The following STXBP5L variants were observed in gnomAD, a reference collection of about 807,000 sequenced individuals.
The protein encoded by STXBP5L is syntaxin-binding protein 5-like.
In STXBP5L, 65 loss-of-function variants were observed where a neutral mutation model predicts 144.5. The observed-to-expected ratio is 0.45, with a 90% CI of 0.37 to 0.55. The LOEUF is 0.55. Among genes scored for constraint, STXBP5L ranks in the 20% least tolerant of loss-of-function variants. STXBP5L has a pLI of 0.00. For synonymous variants in STXBP5L, 505 were observed against 469.6 expected (o/e 1.08, Z -0.97); for missense variants, 1,298 against 1,405.5 (o/e 0.92, Z 1.22).
chr3:120,992,103 T>C (rs1942949668), intron 3 of STXBP5L, among the ~76,000 whole-genome samples: 1 of 152,180 alleles, frequency 6.6e-6, no homozygotes, highest in Non-Finnish European at 1.5e-5. Context: ...TTTGGATCAC[T>C]AAAGAAAATC....
At chr3:121,052,890 C>T (rs1413697227) in intron 5 of STXBP5L, among the ~76,000 whole-genome samples, 2 of 152,168 alleles carry the variant, frequency 1.3e-5, no homozygotes, top group Non-Finnish European at 2.9e-5. Context: ...TAAGCAACTT[C>T]AGCAAAGTCT....
At chr3:121,349,585 G>T (rs931056690) in intron 20 of STXBP5L, among the ~76,000 whole-genome samples, 1 of 151,964 alleles carries the variant, frequency 6.6e-6, no homozygotes, top group Admixed American at 6.6e-5. Context: ...TTATTGTGTG[G>T]GAGTCTAAGT....
chr3:120,995,943 A>G (rs1330944893), intron 3 of STXBP5L, among the ~76,000 whole-genome samples: 1 of 152,056 alleles, frequency 6.6e-6, no homozygotes, highest in Non-Finnish European at 1.5e-5. Context: ...GGTAGGTTTT[A>G]CAGAATCAAA....
intron 19 of STXBP5L, among the ~76,000 whole-genome samples, chr3:121,287,630 A>G (rs2051276995): frequency 6.6e-6 from 1 of 152,142 alleles, no homozygotes; most frequent in South Asian, 2.1e-4. Context: ...GGGGTTCGAG[A>G]CCAGCCTGAC....
intron 24 of STXBP5L, among the ~76,000 whole-genome samples, chr3:121,415,121 T>C (rs2047202374): frequency 6.6e-6 from 1 of 152,112 alleles, no homozygotes; most frequent in South Asian, 2.1e-4. Context: ...CAATATTAGG[T>C]CACAGATCTC....
intron 5 of STXBP5L, among the ~76,000 whole-genome samples, chr3:121,112,659 G>A (rs1161071121): frequency 6.6e-6 from 1 of 151,970 alleles, no homozygotes; most frequent in African/African-American, 2.4e-5. Flanking sequence ...ATTCGGTGAA[G>A]ATTGAATAAA....
chr3:120,958,797 T>C lies in STXBP5L; in HGVS notation c.287+3760T>C, dbSNP rs61797908. Among the ~76,000 whole-genome samples, 1,050 of 150,970 alleles carry C rather than the reference T, an allele frequency of 7.0e-3. 11 individuals carry two copies. The highest frequency in any genetic ancestry group is 0.023 in the African/African-American group (956 of 41,284). On this transcript the variant is annotated intron_variant, in intron 3 of 26. Coordinates refer to ENST00000471454, the MANE Select transcript of STXBP5L (RefSeq NM_001308330.2). ...TCTATGACAAACCCACAGCCAATAT[T>C]ATACTGAATGGGCAAAAACTGGAAG...
At chr3:121,335,460 A>C (rs1577485526) in intron 20 of STXBP5L, among the ~76,000 whole-genome samples, 1 of 152,200 alleles carries the variant, frequency 6.6e-6, no homozygotes, top group East Asian at 1.9e-4. Flanking sequence ...TTTAAAATTG[A>C]TATGGAACCA....
At chr3:121,054,981 A>G (rs980425247) in intron 5 of STXBP5L, among the ~76,000 whole-genome samples, 2 of 152,106 alleles carry the variant, frequency 1.3e-5, no homozygotes, top group African/African-American at 4.8e-5. Flanking sequence ...TTTGGGAGGA[A>G]GAATTGATTA....
At chr3:121,240,805 C>T (rs1422607077) in intron 14 of STXBP5L, among the ~76,000 whole-genome samples, 1 of 152,268 alleles carries the variant, frequency 6.6e-6, no homozygotes, top group Non-Finnish European at 1.5e-5. Flanking sequence ...AAGGCCCTTA[C>T]AAACACTTAT....
intron 5 of STXBP5L, among the ~76,000 whole-genome samples, chr3:121,059,757 C>G (rs1458351308): frequency 6.6e-6 from 1 of 152,092 alleles, no homozygotes; most frequent in Non-Finnish European, 1.5e-5. Flanking sequence ...GGAATTCACT[C>G]ATGATTTGGC....
At chr3:121,038,311 T>C (rs1296263527) in intron 3 of STXBP5L, among the ~76,000 whole-genome samples, 1 of 151,988 alleles carries the variant, frequency 6.6e-6, no homozygotes, top group Non-Finnish European at 1.5e-5. Context: ...TTTAGCTGCA[T>C]CTCACACCTT....
intron 19 of STXBP5L, among the ~76,000 whole-genome samples, chr3:121,313,939 C>G: frequency 6.7e-6 from 1 of 149,366 alleles, no homozygotes. Flanking sequence ...CCAGCAGAAG[C>G]GCTCCTCACA....
chr3:121,275,212 T>C (rs1231429282), intron 18 of STXBP5L, among the ~76,000 whole-genome samples: 1 of 152,098 alleles, frequency 6.6e-6, no homozygotes, highest in Non-Finnish European at 1.5e-5. Flanking sequence ...TCAGAACAAT[T>C]TGGGCTATTC....
At chr3:121,010,205 A>G (rs920364291) in intron 3 of STXBP5L, among the ~76,000 whole-genome samples, 2 of 151,822 alleles carry the variant, frequency 1.3e-5, no homozygotes, top group African/African-American at 2.4e-5. Flanking sequence ...TTCCCCTTTC[A>G]GCAGTACATA....
intron 22 of STXBP5L, 32 bp from the exon 23 acceptor site, chr3:121,407,211 G>C (rs1485673816): frequency 1.3e-6 from 2 of 1,522,970 alleles, no homozygotes; most frequent in East Asian, 2.3e-5. Flanking sequence ...GAATGAATTT[G>C]ACATGTCAGT....
chr3:121,315,824 A>C (rs2043765667), intron 19 of STXBP5L, among the ~76,000 whole-genome samples: 1 of 151,968 alleles, frequency 6.6e-6, no homozygotes. Context: ...CAATATGATG[A>C]AACCCTGTCT....
chr3:121,370,882 G>A (rs2046009172), intron 20 of STXBP5L, among the ~76,000 whole-genome samples: 1 of 152,102 alleles, frequency 6.6e-6, no homozygotes, highest in Admixed American at 6.5e-5. Flanking sequence ...TTCCTGCACT[G>A]GCTGTTTTGT....
rs1440464244 is a variant in STXBP5L at position 121,381,323 on chromosome 3, G to A, written c.2378G>A (p.Arg793Lys). 6.3e-7 allele frequency: 1 copy of A among 1,584,344 alleles called. No individual in the cohort carries two copies. Reference sequence around the variant, plus strand: ...CGAGAAAATTCCTATAATCGTTCTAGAAGCTCTAGTATCTCCAGTATTGAC... The same window carrying A: ...CGAGAAAATTCCTATAATCGTTCTAAAAGCTCTAGTATCTCCAGTATTGAC... ...ENRENSYNRSRSSSISSIDKD... is the reference protein window; with the variant it reads ...ENRENSYNRSKSSSISSIDKD... Residue 793 changes from arginine to lysine, a missense_variant, in exon 22 of 27, where the codon AGA (arginine) becomes AAA (lysine). By Grantham distance (26) the Arg-to-Lys change is conservative. Coordinates refer to ENST00000471454, the MANE Select transcript of STXBP5L (RefSeq NM_001308330.2).
Sources: gnomAD v4.1 joint callset for allele counts (sites outside exome capture counted in the v4.1 genomes callset) on GRCh38, gnomAD v4.1.1 for gene constraint, MANE v1.5 for transcripts, NCBI Gene and HGNC (gene_info 2026-07-23, HGNC 2026-07-21) for gene names.